ARMC9: variants seen among roughly 807,000 people sequenced by gnomAD.
ARMC9 encodes the protein armadillo repeat containing 9.
Under a neutral mutation model 107.0 loss-of-function variants are expected in ARMC9, and 94 were observed. That is an observed-to-expected ratio of 0.88 (90% CI 0.74 to 1.04). The LOEUF is 1.04. Ranked by LOEUF, ARMC9 falls within the 50% of genes least tolerant of loss-of-function variation. The pLI, the probability that ARMC9 is intolerant of heterozygous loss-of-function variation, is 0.00. For synonymous variants in ARMC9, 380 were observed against 396.9 expected, an observed-to-expected ratio of 0.96 and a Z score of 0.51; for missense variants, 942 against 1,030.1, an observed-to-expected ratio of 0.91 and a Z score of 1.17.
chr2:231,239,207 C>T (rs1422121648), intron 8 of ARMC9, among the ~76,000 whole-genome samples: 1 of 151,964 alleles, frequency 6.6e-6, no homozygotes, highest in Non-Finnish European at 1.5e-5. Context: ...AATGAGCATA[C>T]ATTATTTTTT....
At chr2:231,260,722 G>A (rs747241321) in intron 11 of ARMC9, among the ~76,000 whole-genome samples, 3 of 152,150 alleles carry the variant, frequency 2.0e-5, no homozygotes, top group Non-Finnish European at 4.4e-5. Context: ...CTCTGCTCAA[G>A]CTCTCAAACT....
chr2:231,315,774 A>G (rs751327874), intron 19 of ARMC9, among the ~76,000 whole-genome samples: 10 of 152,082 alleles, frequency 6.6e-5, no homozygotes, highest in Admixed American at 2.0e-4. Context: ...TAATTCTGCC[A>G]TTTGCTATCA....
intron 9 of ARMC9, among the ~76,000 whole-genome samples, chr2:231,252,446 C>T (rs1410117746): frequency 2.0e-5 from 3 of 152,102 alleles, no homozygotes; most frequent in African/African-American, 4.8e-5. Context: ...GACGGGGTTT[C>T]ACCATGTTGG....
At chr2:231,339,331 G>GAA (rs60261237) in intron 20 of ARMC9, among the ~76,000 whole-genome samples, 4 of 132,344 alleles carry the variant, frequency 3.0e-5, no homozygotes, top group Non-Finnish European at 6.6e-5. Flanking sequence ...TCTGTCTTGT[G>GAA]AAAAAAAAAA....
At chr2:231,250,259 G>A (rs975540939) in intron 9 of ARMC9, among the ~76,000 whole-genome samples, 1 of 152,204 alleles carries the variant, frequency 6.6e-6, no homozygotes, top group Non-Finnish European at 1.5e-5. Flanking sequence ...GATTCTGACT[G>A]TGTTGGATGG....
chr2:231,259,439 T>C (rs532273625), intron 11 of ARMC9, among the ~76,000 whole-genome samples: 1 of 152,330 alleles, frequency 6.6e-6, no homozygotes, highest in African/African-American at 2.4e-5. Flanking sequence ...ACAGAGGTTC[T>C]GTATTCAGCC....
intron 23 of ARMC9, among the ~76,000 whole-genome samples, chr2:231,363,730 C>A (rs1021327158): frequency 4.0e-5 from 6 of 151,864 alleles, no homozygotes; most frequent in Non-Finnish European, 7.4e-5. Context: ...ACTAAAAATA[C>A]AAAAATTAGC....
chr2:231,270,926 T>C (rs899664811), intron 12 of ARMC9, 56 bp from the exon 13 acceptor site: 2 of 1,470,282 alleles, frequency 1.4e-6, no homozygotes. Context: ...AGAGGAGGCG[T>C]GTGTTTATCT....
At chr2:231,229,115 A>C (rs2034956693) in intron 7 of ARMC9, among the ~76,000 whole-genome samples, 1 of 151,936 alleles carries the variant, frequency 6.6e-6, no homozygotes, top group East Asian at 1.9e-4. Flanking sequence ...ATGGCTGTGG[A>C]TTTGAGTCTG....
chr2:231,247,328 A>G (rs1316129959), intron 9 of ARMC9, among the ~76,000 whole-genome samples: 2 of 152,240 alleles, frequency 1.3e-5, no homozygotes, highest in Non-Finnish European at 2.9e-5. Flanking sequence ...AAAAAGACCC[A>G]GGACATGTGG....
rs1575183474 is a variant in ARMC9 at position 231,360,944 on chromosome 2, A to ACGC, written c.2261+64_2261+66dup. The ACGC allele has an allele frequency of 3.4e-6, 5 of 1,460,302 alleles. No individual in the cohort carries two copies. The East Asian group carries it at 1.2e-4, about 36-fold the overall frequency. The allele number at this position is 1,460,302 out of a possible 1,614,324, so 90.5% of individuals were successfully genotyped here. On this transcript the variant is annotated intron_variant, in intron 23 of 24. Coordinates refer to ENST00000611582, the MANE Select transcript of ARMC9 (RefSeq NM_001352754.2). This position sits in a 1 kb window ranked among gnomAD's most constrained non-coding sequence, Gnocchi z 4.7. ...TCGGAGCTCTGGGAGTGGGCGCCCC[A>ACGC]CGCCGGATGCAGAGCACCCAGGAGA...
chr2:231,372,354 G>A lies in ARMC9; in HGVS notation c.*819G>A, dbSNP rs2046052998. The A allele has an allele frequency of 6.6e-6, 1 of 152,256 alleles. No homozygotes were observed. Among genetic ancestry groups the A allele is most frequent in the African/African-American group, 2.4e-5 (1 of 41,430 alleles). The allele number at this position is 152,256 out of a possible 1,614,324, so 9.4% of individuals were successfully genotyped here. ...ACTGCACTCTAGCCTGGGTGACAGA[G>A]CGAGACTCCGTCCCCAAAAAAAAAA... On this transcript the variant is annotated 3_prime_UTR_variant, in exon 25 of 25. Coordinates refer to ENST00000611582, the MANE Select transcript of ARMC9 (RefSeq NM_001352754.2).
In ARMC9 at chr2:231,259,064, G is replaced by T. The variant is rs1486676925; in HGVS notation, c.988G>T (p.Asp330Tyr). Reference protein sequence around the residue: ...KLKKDLILGSDRLKAFLLQAL... With the variant: ...KLKKDLILGSYRLKAFLLQAL... ...GAAGAAGGATTTGATTTTGGGGAGT[G>T]ACCGCTTGAAAGCCTTCTTGTTGCA... The change falls in exon 11 of 25, where the codon GAC (aspartate) becomes TAC (tyrosine). Residue 330 changes from aspartate (D) to tyrosine (Y), a missense_variant. By Grantham distance (160) the Asp-to-Tyr change is radical. Transcript: ENST00000611582. 1 of 1,614,068 alleles carries T rather than the reference G, an allele frequency of 6.2e-7. No homozygotes were observed. The highest frequency in any genetic ancestry group is 8.5e-7 in the Non-Finnish European group (1 of 1,180,028).
chr2:231,200,630 A>G (rs551829654), intron 1 of ARMC9, among the ~76,000 whole-genome samples: 1 of 152,142 alleles, frequency 6.6e-6, no homozygotes, highest in East Asian at 1.9e-4. Context: ...GCCAGATTGC[A>G]CCTTTGCACT....
chr2:231,277,274 T>A (rs887834529), intron 15 of ARMC9, among the ~76,000 whole-genome samples: 3 of 152,132 alleles, frequency 2.0e-5, no homozygotes, highest in African/African-American at 7.2e-5. Flanking sequence ...CTGAAGGTAG[T>A]GATTTGAGCT....
chr2:231,353,012 C>A (rs1205527236), intron 21 of ARMC9, among the ~76,000 whole-genome samples: 1 of 110,872 alleles, frequency 9.0e-6, no homozygotes, highest in Non-Finnish European at 1.6e-5. Flanking sequence ...AATTTAACTC[C>A]TCTTGTCAAT....
chr2:231,367,387 A>G (rs2045861038), intron 23 of ARMC9, among the ~76,000 whole-genome samples: 1 of 152,136 alleles, frequency 6.6e-6, no homozygotes, highest in African/African-American at 2.4e-5. Flanking sequence ...AAGGCGCCAT[A>G]TGGAAGCCAG....
intron 5 of ARMC9, among the ~76,000 whole-genome samples, chr2:231,222,491 A>G (rs563735274): frequency 6.6e-6 from 1 of 152,066 alleles, no homozygotes; most frequent in African/African-American, 2.4e-5. Flanking sequence ...GTTCAGGGTT[A>G]TTTTTTCCCT....
At chr2:231,214,596 TA>T (rs1387204697) in intron 3 of ARMC9, among the ~76,000 whole-genome samples, 1 of 152,194 alleles carries the variant, frequency 6.6e-6, no homozygotes, top group Non-Finnish European at 1.5e-5. Flanking sequence ...TCAAAGACCT[TA>T]AATGTTTTGT....
Sources: allele counts gnomAD v4.1 joint callset (sites outside exome capture counted in the v4.1 genomes callset), GRCh38; gene constraint gnomAD v4.1.1; non-coding constraint Gnocchi (gnomAD v3.1); transcripts MANE v1.5; gene names NCBI Gene and HGNC (gene_info 2026-07-23, HGNC 2026-07-21).